The following KIAA0825 variants were observed in gnomAD, a reference collection of about 807,000 sequenced individuals.
The protein encoded by KIAA0825 is uncharacterized protein KIAA0825.
In KIAA0825, 119 loss-of-function variants were observed where a neutral mutation model predicts 147.6. The ratio of observed to expected loss-of-function variants is 0.81; its 90% CI spans 0.69 to 0.94. The LOEUF is 0.94. Among genes scored for constraint, KIAA0825 ranks in the 40% least tolerant of loss-of-function variants. The pLI is 0.00. For synonymous variants in KIAA0825, 470 were observed against 518.1 expected, an observed-to-expected ratio of 0.91 and a Z score of 1.26; for missense variants, 1,381 against 1,472.7, an observed-to-expected ratio of 0.94 and a Z score of 1.02.
intron 20 of KIAA0825, among the ~76,000 whole-genome samples, chr5:94,339,267 C>T (rs1277784487): frequency 2.0e-5 from 3 of 152,062 alleles, no homozygotes; most frequent in Non-Finnish European, 4.4e-5. Flanking sequence ...TTAATTGTGC[C>T]TCTTATAAAT....
In KIAA0825 at chr5:94,151,689, G is replaced by A. The variant is rs1440253269; in HGVS notation, c.*2318C>T. The stretch of plus-strand genomic sequence containing the variant: ...AGCCACAGAAAAGATTTTTTCTGGA[G>A]GAGCAAAATTACTTCCCAGGATTAA... On this transcript the variant is annotated 3_prime_UTR_variant, in exon 21 of 21. Transcript: ENST00000682413. 6.6e-6 allele frequency among the ~76,000 whole-genome samples: 1 copy of A among 152,018 alleles called. No individual in the cohort carries two copies. Among genetic ancestry groups the A allele is most frequent in the Non-Finnish European group, 1.5e-5 (1 of 67,996 alleles).
intron 20 of KIAA0825, among the ~76,000 whole-genome samples, chr5:94,220,015 C>G (rs1773542624): frequency 6.6e-6 from 1 of 152,126 alleles, no homozygotes; most frequent in Non-Finnish European, 1.5e-5. Context: ...CATTTTTAAA[C>G]TTTTGACTCT....
rs1475804593 is a variant in KIAA0825, at chr5:94,152,865, T to C, written c.*1142A>G. On this transcript the variant is annotated 3_prime_UTR_variant, in exon 21 of 21. Coordinates refer to ENST00000682413, the MANE Select transcript of KIAA0825 (RefSeq NM_001145678.3). ...AAAAAAAAAAAAAAAATTATATATA[T>C]ATATATATATATATATATATATATA... 3 of 7,336 alleles carry C rather than the reference T, an allele frequency of 4.1e-4. 1 individual carries two copies. Among genetic ancestry groups the C allele is most frequent in the Admixed American group, 3.6e-3 (2 of 554 alleles). 0.5% of individuals were successfully genotyped at this position (7,336 alleles called of 1,614,324 possible).
In KIAA0825 at chr5:94,412,453, T is replaced by C. The variant is rs11955963; in HGVS notation, c.2662+4748A>G. On this transcript the variant is annotated intron_variant, in intron 15 of 20. Coordinates refer to ENST00000682413, the MANE Select transcript of KIAA0825 (RefSeq NM_001145678.3). The stretch of plus-strand genomic sequence containing the variant: ...GTGTCACTCCATTGCCAGGCTGGAA[T>C]GCAGTGGTGTGATCTCGACTCACTG... Among the ~76,000 whole-genome samples, 438 of 152,298 alleles carry C rather than the reference T, an allele frequency of 2.9e-3. 3 individuals carry two copies. Among genetic ancestry groups the C allele is most frequent in the African/African-American group, 0.01 (427 of 41,574 alleles).
chr5:94,350,027 A>G (rs1783467561), intron 20 of KIAA0825, among the ~76,000 whole-genome samples: 1 of 152,180 alleles, frequency 6.6e-6, no homozygotes, highest in African/African-American at 2.4e-5. Context: ...TAGATAGACC[A>G]CTGGCAAGAT....
intron 20 of KIAA0825, among the ~76,000 whole-genome samples, chr5:94,269,701 A>G (rs1583992888): frequency 2.0e-5 from 3 of 152,122 alleles, no homozygotes; most frequent in Non-Finnish European, 4.4e-5. Flanking sequence ...AAGCAGCTAC[A>G]TCAAAAAAGT....
At chr5:94,180,315 T>G (rs1562298250) in intron 20 of KIAA0825, among the ~76,000 whole-genome samples, 1 of 151,816 alleles carries the variant, frequency 6.6e-6, no homozygotes, top group Non-Finnish European at 1.5e-5. Flanking sequence ...ACAAAATAAT[T>G]TACCAGTATC....
intron 20 of KIAA0825, among the ~76,000 whole-genome samples, chr5:94,214,786 C>T (rs1773054644): frequency 6.6e-6 from 1 of 152,172 alleles, no homozygotes; most frequent in African/African-American, 2.4e-5. Flanking sequence ...CTTTAAGACA[C>T]CCTTCAAATC....
intron 20 of KIAA0825, among the ~76,000 whole-genome samples, chr5:94,371,993 C>T (rs968571809): frequency 1.3e-5 from 2 of 152,182 alleles, no homozygotes; most frequent in Non-Finnish European, 2.9e-5. Context: ...TTGGCCAAAA[C>T]AAAGCAATTA....
chr5:94,402,692 A>T (rs1438771548), intron 16 of KIAA0825, among the ~76,000 whole-genome samples: 1 of 151,178 alleles, frequency 6.6e-6, no homozygotes, highest in Non-Finnish European at 1.5e-5. Flanking sequence ...TTAGAGAAAA[A>T]ATATTTTCAC....
chr5:94,414,931 T>C (rs1753250532), intron 15 of KIAA0825: 2 of 152,206 alleles, frequency 1.3e-5, no homozygotes, highest in South Asian at 4.1e-4. Flanking sequence ...CAATACCTGA[T>C]GATCTGAGGT....
At chr5:94,443,488 T>A (rs534401959) in intron 13 of KIAA0825, among the ~76,000 whole-genome samples, 2 of 152,066 alleles carry the variant, frequency 1.3e-5, no homozygotes, top group Non-Finnish European at 2.9e-5. Context: ...GGAGACAGGA[T>A]GAATTGATGG....
intron 3 of KIAA0825, among the ~76,000 whole-genome samples, chr5:94,531,488 T>C (rs1209147825): frequency 2.6e-5 from 4 of 152,184 alleles, no homozygotes; most frequent in East Asian, 1.9e-4. Context: ...GTAGGAAATA[T>C]GAATGGGGCC....
chr5:94,610,374 T>A (rs1387158876), intron 1 of KIAA0825, among the ~76,000 whole-genome samples: 1 of 149,772 alleles, frequency 6.7e-6, no homozygotes, highest in Non-Finnish European at 1.5e-5. Context: ...TGAGCTGAGA[T>A]TGCGCCACTG....
intron 15 of KIAA0825, chr5:94,415,708 G>A (rs1036421820): frequency 2.6e-5 from 4 of 152,154 alleles, no homozygotes; most frequent in African/African-American, 9.7e-5. Context: ...TATGTATAAC[G>A]TCTGTTTCCA....
intron 20 of KIAA0825, among the ~76,000 whole-genome samples, chr5:94,233,147 T>C (rs1246598977): frequency 6.6e-6 from 1 of 152,176 alleles, no homozygotes; most frequent in Non-Finnish European, 1.5e-5. Context: ...ACAAGGAACA[T>C]AAAAATAGAG....
chr5:94,607,240 A>T (rs946000901), intron 1 of KIAA0825, among the ~76,000 whole-genome samples: 1 of 152,076 alleles, frequency 6.6e-6, no homozygotes, highest in Non-Finnish European at 1.5e-5. Context: ...GGTGGTGTGC[A>T]AGGTCAAAAC....
intron 16 of KIAA0825, among the ~76,000 whole-genome samples, chr5:94,399,796 A>G (rs780358136): frequency 4.6e-5 from 7 of 152,158 alleles, no homozygotes; most frequent in Non-Finnish European, 7.4e-5. Context: ...CTACTGTAAT[A>G]ATATATTTGT....
chr5:94,508,540 G>C lies in KIAA0825; in HGVS notation c.970+11708C>G, dbSNP rs192317884. On this transcript the variant is annotated intron_variant, in intron 5 of 20. Transcript: ENST00000682413. ...TTTGTTTTAGAATATGAAAAAAAAG[G>C]GGGGGGAAGTAAGGAAATCCCTTAA... 1.9e-3 allele frequency among the ~76,000 whole-genome samples: 284 copies of C among 152,112 alleles called. 2 individuals carry two copies. The highest frequency in any genetic ancestry group is 6.6e-3 in the African/African-American group (275 of 41,418).
Sources: allele counts gnomAD v4.1 joint callset (sites outside exome capture counted in the v4.1 genomes callset), GRCh38; gene constraint gnomAD v4.1.1; transcripts MANE v1.5; gene names NCBI Gene and HGNC (gene_info 2026-07-23, HGNC 2026-07-21).